The following SF3B1 variants were observed in gnomAD, a reference collection of about 807,000 sequenced individuals.
SF3B1 encodes the protein splicing factor 3b subunit 1.
SF3B1 carries 12 observed loss-of-function variants against 153.8 expected under a neutral mutation model. The ratio of observed to expected loss-of-function variants is 0.08; its 90% CI spans 0.05 to 0.13. The LOEUF (loss-of-function observed/expected upper bound fraction) is 0.13. SF3B1 is among the 10% of genes least tolerant of loss of function. The pLI, the probability that SF3B1 is intolerant of heterozygous loss-of-function variation, is 1.00. For synonymous variants in SF3B1, 498 were observed against 525.2 expected (o/e 0.95, Z 0.71); for missense variants, 513 against 1,606.1 (o/e 0.32, Z 11.63).
intron 4 of SF3B1, chr2:197,420,018 G>T: frequency 4.3e-6 from 1 of 235,266 alleles, no homozygotes; most frequent in Non-Finnish European, 8.3e-6. Context: ...AGAGCACTAT[G>T]GGGGGAGCTC....
chr2:197,403,493 GA>G (rs1402778227), intron 12 of SF3B1, 91 bp downstream of exon 12: 2 of 785,918 alleles, frequency 2.5e-6, no homozygotes, highest in Non-Finnish European at 3.9e-6. Context: ...TTGTGCAAAG[GA>G]AAAGGTCTAG....
chr2:197,420,547 A>G lies in SF3B1; in HGVS notation c.301-5T>C. The G allele has an allele frequency of 6.4e-7, 1 of 1,567,052 alleles. No individual in the cohort carries two copies. On this transcript the variant is annotated splice_region_variant and splice_polypyrimidine_tract_variant and intron_variant, in intron 3 of 24. Transcript: ENST00000335508. Reference sequence around the variant, plus strand: ...GTGCTCAGCAAATGGATCATACTGAAAAGAGGTATGTCTCACTTAATATCC... The same window carrying G: ...GTGCTCAGCAAATGGATCATACTGAGAAGAGGTATGTCTCACTTAATATCC...
chr2:197,412,604 G>A (rs191008350), intron 6 of SF3B1, among the ~76,000 whole-genome samples: 74 of 151,728 alleles, frequency 4.9e-4, no homozygotes, highest in African/African-American at 1.6e-3. Flanking sequence ...TGATCTGCCC[G>A]CTTGGCCTCC....
At chr2:197,417,733 G>T (rs1271738905) in intron 5 of SF3B1, among the ~76,000 whole-genome samples, 1 of 152,026 alleles carries the variant, frequency 6.6e-6, no homozygotes, top group Non-Finnish European at 1.5e-5. Flanking sequence ...CTTCAGCCTG[G>T]GCAACAAAGG....
intron 23 of SF3B1, among the ~76,000 whole-genome samples, chr2:197,395,001 GT>G (rs2084859635): frequency 6.6e-6 from 1 of 152,226 alleles, no homozygotes; most frequent in Non-Finnish European, 1.5e-5. Context: ...TAATATTCTT[GT>G]TTTTCCTATT....
chr2:197,435,060 C>T, upstream of SF3B1: 2 of 1,613,438 alleles, frequency 1.2e-6, no homozygotes, highest in Admixed American at 1.7e-5. Flanking sequence ...TCGTCGCCGC[C>T]GCCACGGAGA....
chr2:197,405,719 A>C (rs1156887723), intron 9 of SF3B1, among the ~76,000 whole-genome samples: 1 of 152,046 alleles, frequency 6.6e-6, no homozygotes. Flanking sequence ...AATACTAATC[A>C]CATTCAAACA....
chr2:197,426,612 A>G (rs1349109865), intron 1 of SF3B1, among the ~76,000 whole-genome samples: 1 of 152,188 alleles, frequency 6.6e-6, no homozygotes, highest in African/African-American at 2.4e-5. Context: ...CTACAGCATT[A>G]GTCTAGTATA....
rs199913219 is a variant in SF3B1, at chr2:197,418,945, T to C, written c.416-357A>G. The C allele has an allele frequency of 6.3e-4, 1,003 of 1,599,158 alleles. 2 individuals are homozygous for C. Among genetic ancestry groups the C allele is most frequent in the Non-Finnish European group, 6.5e-4 (757 of 1,171,880 alleles). ...GCAGTTCTGACTTCAAGCAGCAGAA[T>C]AGAAGCCTAGAAAATTATCTCTTTA... On this transcript the variant is annotated intron_variant, in intron 4 of 24. Coordinates refer to ENST00000335508, the MANE Select transcript of SF3B1 (RefSeq NM_012433.4).
chr2:197,403,131 A>G (rs1303343586), intron 12 of SF3B1, 96 bp from the exon 13 acceptor site: 15 of 915,954 alleles, frequency 1.6e-5, no homozygotes, highest in Non-Finnish European at 2.4e-5. Flanking sequence ...ATTTAGAATT[A>G]TCAGGACTTT....
chr2:197,395,357 T>C (rs968896953), intron 23 of SF3B1, among the ~76,000 whole-genome samples: 2 of 152,198 alleles, frequency 1.3e-5, no homozygotes, highest in Non-Finnish European at 2.9e-5. Flanking sequence ...TTTCAGAAGG[T>C]TATTAATGAA....
rs545073556 is a variant in SF3B1, at chr2:197,424,934, C to T, written c.29-960G>A. 3.3e-5 allele frequency among the ~76,000 whole-genome samples: 5 copies of T among 152,082 alleles called. No individual in the cohort carries two copies. In the East Asian group the frequency reaches 7.7e-4, roughly 24 times the overall value. On this transcript the variant is annotated intron_variant, in intron 1 of 24. Coordinates refer to ENST00000335508, the MANE Select transcript of SF3B1 (RefSeq NM_012433.4). ...CAGCACTTTGGGAGGCCAAGGCGGG[C>T]GGATCACCTGAAGTCAGGCATTCGA...
intron 1 of SF3B1, among the ~76,000 whole-genome samples, chr2:197,430,948 C>T (rs186673913): frequency 9.2e-5 from 14 of 152,180 alleles, no homozygotes; most frequent in Non-Finnish European, 2.1e-4. Flanking sequence ...GCGTGAGCAA[C>T]CCCTGGCCTC....
At chr2:197,398,342 G>A in intron 21 of SF3B1, 119 bp downstream of exon 21, 1 of 1,128,168 alleles carries the variant, frequency 8.9e-7, no homozygotes, top group Non-Finnish European at 1.3e-6. Context: ...ATTAATACTG[G>A]ATAGCCTAAT....
rs948940486 is a variant in SF3B1 at position 197,401,617 on chromosome 2, T to G, written c.2371-92A>C. On this transcript the variant is annotated intron_variant, in intron 16 of 24. Coordinates refer to ENST00000335508, the MANE Select transcript of SF3B1 (RefSeq NM_012433.4). The surrounding 1 kb of genome is among the most constrained non-coding windows in gnomAD (Gnocchi z 4.2). ...TTACGTGATTTTAAAAAATAAAATTTAAAAACAAATCAAACAGTATTCGTG... is the reference window on the plus strand; with the variant it reads ...TTACGTGATTTTAAAAAATAAAATTGAAAAACAAATCAAACAGTATTCGTG... 8.4e-5 allele frequency: 126 copies of G among 1,493,098 alleles called. No individual in the cohort carries two copies. Among genetic ancestry groups the G allele is most frequent in the Middle Eastern group, 1.7e-4 (1 of 5,790 alleles). The allele number at this position is 1,493,098 out of a possible 1,614,324, so 92.5% of individuals were successfully genotyped here.
intron 23 of SF3B1, among the ~76,000 whole-genome samples, chr2:197,395,167 C>T (rs2084861963): frequency 6.6e-6 from 1 of 152,170 alleles, no homozygotes; most frequent in South Asian, 2.1e-4. Flanking sequence ...AGGTGACATA[C>T]ATTAATGACT....
intron 11 of SF3B1, among the ~76,000 whole-genome samples, chr2:197,404,457 GT>G (rs2084967645): frequency 6.6e-6 from 1 of 152,076 alleles, no homozygotes; most frequent in Non-Finnish European, 1.5e-5. Flanking sequence ...GTGCACGCCT[GT>G]AGTCCCAGCT....
At chr2:197,424,252 A>G (rs2085294798) in intron 1 of SF3B1, among the ~76,000 whole-genome samples, 2 of 152,114 alleles carry the variant, frequency 1.3e-5, no homozygotes, top group Non-Finnish European at 2.9e-5. Context: ...TAATCCCAAC[A>G]CTTTGGGAGG....
intron 6 of SF3B1, among the ~76,000 whole-genome samples, chr2:197,412,171 T>C (rs1292285231): frequency 2.7e-5 from 4 of 149,530 alleles, no homozygotes; most frequent in Non-Finnish European, 5.9e-5. Context: ...ATTAGGTAAA[T>C]AAAGCACACA....
Sources: allele counts gnomAD v4.1 joint callset (sites outside exome capture counted in the v4.1 genomes callset), GRCh38; gene constraint gnomAD v4.1.1; non-coding constraint Gnocchi (gnomAD v3.1); transcripts MANE v1.5; gene names NCBI Gene and HGNC (gene_info 2026-07-23, HGNC 2026-07-21).